AMPD3: variants seen among roughly 807,000 people sequenced by gnomAD.
The protein encoded by AMPD3 is adenosine monophosphate deaminase 3.
A neutral mutation model predicts 82.3 loss-of-function variants in AMPD3; 57 were observed. That is an observed-to-expected ratio of 0.69 (90% confidence interval 0.56 to 0.86). The LOEUF (loss-of-function observed/expected upper bound fraction) is 0.86, where lower values mean the gene tolerates loss of function less well. Among genes scored for constraint, AMPD3 ranks in the 40% least tolerant of loss-of-function variants. AMPD3 has a pLI of 0.00. For missense variants in AMPD3, 870 were observed against 1,003.8 expected (o/e 0.87, Z 1.80); for synonymous variants, 381 against 394.7 (o/e 0.97, Z 0.41).
rs979924503 is a variant in AMPD3, at chr11:10,495,361, C to T, written c.1267-209C>T. 7.1e-6 allele frequency: 7 copies of T among 985,446 alleles called. No homozygotes were observed. In the East Asian group the frequency reaches 6.8e-4, roughly 96 times the overall value. The allele number at this position is 985,446 out of a possible 1,614,324, so 61.0% of individuals were successfully genotyped here. A position where few individuals can be genotyped will look rare whatever the true frequency, so the allele number is the denominator to read the frequency against. ...ATGCTTCTGCTGTGGCCTGGTTCTG[C>T]AGACCCAAGGCCTTCCTCACCAGAG... is the stretch of plus-strand genomic sequence containing the variant. On this transcript the variant is annotated intron_variant, in intron 8 of 14. Coordinates refer to ENST00000396553, the MANE Select transcript of AMPD3 (RefSeq NM_001025389.2).
intron 2 of AMPD3, among the ~76,000 whole-genome samples, chr11:10,470,522 A>G (rs1848558106): frequency 6.6e-6 from 1 of 152,214 alleles, no homozygotes; most frequent in African/African-American, 2.4e-5. Flanking sequence ...AGGAAGTCAA[A>G]TTGTCTCTGT....
chr11:10,496,640 G>A, intron 9 of AMPD3, 172 bp from the exon 10 acceptor site: 1 of 1,446,884 alleles, frequency 6.9e-7, no homozygotes, highest in Non-Finnish European at 9.3e-7. Flanking sequence ...GAATATTGCA[G>A]ACATTGCTGG....
At chr11:10,489,462 C>T (rs1336321103) in intron 6 of AMPD3, among the ~76,000 whole-genome samples, 2 of 152,220 alleles carry the variant, frequency 1.3e-5, no homozygotes, top group African/African-American at 2.4e-5. Flanking sequence ...ACATGAGAAA[C>T]AGTCCTGGCG....
intron 2 of AMPD3, among the ~76,000 whole-genome samples, chr11:10,469,810 C>CTT (rs1848533244): frequency 6.6e-6 from 1 of 151,652 alleles, no homozygotes; most frequent in Non-Finnish European, 1.5e-5. Flanking sequence ...GAGGCCGAGG[C>CTT]GGGCAGATCA....
intron 10 of AMPD3, among the ~76,000 whole-genome samples, chr11:10,498,090 A>G (rs933921465): frequency 6.6e-6 from 1 of 152,232 alleles, no homozygotes; most frequent in African/African-American, 2.4e-5. Flanking sequence ...GACTCCAGCG[A>G]TGTACCCTGA....
At chr11:10,460,022 TGTATG>T (rs1439497103) in intron 1 of AMPD3, among the ~76,000 whole-genome samples, 2 of 147,854 alleles carry the variant, frequency 1.4e-5, no homozygotes, top group African/African-American at 2.5e-5. Context: ...AGTATATATA[TGTATG>T]TATACATATA....
chr11:10,456,304 C>G lies in AMPD3; in HGVS notation c.-6+856C>G, dbSNP rs368167371. On this transcript the variant is annotated intron_variant, in intron 1 of 14. Transcript: ENST00000396553. This position sits in a 1 kb window ranked among gnomAD's most constrained non-coding sequence, Gnocchi z 4.3. ...GACAGGACCCAGCCAGCTGCACGCACGCACTGACTCAGCTGAGCCTCCTGG... is the reference window on the plus strand; with the variant it reads ...GACAGGACCCAGCCAGCTGCACGCAGGCACTGACTCAGCTGAGCCTCCTGG... 1.8e-5 allele frequency: 29 copies of G among 1,603,852 alleles called. No individual in the cohort carries two copies. In the East Asian group the frequency reaches 6.5e-4, roughly 36 times the overall value.
chr11:10,470,866 C>A (rs1484513179), intron 2 of AMPD3, among the ~76,000 whole-genome samples: 1 of 152,160 alleles, frequency 6.6e-6, no homozygotes, highest in Non-Finnish European at 1.5e-5. Context: ...GAATCAATAT[C>A]ATGAAAATGG....
chr11:10,489,175 T>C (rs1470919504), intron 6 of AMPD3, among the ~76,000 whole-genome samples: 2 of 152,170 alleles, frequency 1.3e-5, no homozygotes, highest in African/African-American at 4.8e-5. Flanking sequence ...GCTTAGGCGT[T>C]CAGACAGGTG....
chr11:10,472,820 A>G (rs1848633095), intron 2 of AMPD3, among the ~76,000 whole-genome samples: 1 of 152,140 alleles, frequency 6.6e-6, no homozygotes, highest in Admixed American at 6.5e-5. Context: ...CCTGGCCAAC[A>G]TGTAGAAACC....
In AMPD3 at chr11:10,496,892, C is replaced by A; in HGVS notation, c.1511C>A (p.Thr504Asn). The A allele has an allele frequency of 2.5e-6, 4 of 1,614,100 alleles. No homozygotes were observed. The highest frequency in any genetic ancestry group is 2.5e-6 in the Non-Finnish European group (3 of 1,179,996). Residue 504 changes from threonine (T) to asparagine (N), a missense_variant, in exon 10 of 15, where the codon ACT becomes AAT. By Grantham distance (65) the Thr-to-Asn change is moderately conservative (BLOSUM62 0). Transcript: ENST00000396553. ...ATCTTCCTGCCCCTTTTCAAGGCCA[C>A]TATCAACCCCCAAGATCATCGAGAG... ...ENIFLPLFKA[T>N]INPQDHRELH...
At chr11:10,460,047 T>C (rs1471256086) in intron 1 of AMPD3, among the ~76,000 whole-genome samples, 1 of 106,692 alleles carries the variant, frequency 9.4e-6, no homozygotes, top group East Asian at 2.0e-4. Flanking sequence ...ATAAAATATA[T>C]ATTATATATA....
intron 14 of AMPD3, chr11:10,505,378 G>GAGT: frequency 1.0e-6 from 1 of 985,098 alleles, no homozygotes; most frequent in Non-Finnish European, 1.2e-6. Flanking sequence ...CAGCTCTCAG[G>GAGT]GGCTTCTTAA....
chr11:10,505,000 G>A (rs1444037444), intron 14 of AMPD3: 2 of 464,020 alleles, frequency 4.3e-6, no homozygotes, highest in Non-Finnish European at 5.7e-6. Context: ...CCTCTAGCAT[G>A]TAAGCTCTGT....
chr11:10,489,322 C>G (rs1849172808), intron 6 of AMPD3, among the ~76,000 whole-genome samples: 1 of 152,206 alleles, frequency 6.6e-6, no homozygotes, highest in Non-Finnish European at 1.5e-5. Context: ...CGTGAATGCT[C>G]TGGGCTTACC....
At chr11:10,487,424 T>G in intron 6 of AMPD3, 60 bp downstream of exon 6, 1 of 1,607,538 alleles carries the variant, frequency 6.2e-7, no homozygotes, top group Non-Finnish European at 8.5e-7. Context: ...GCCCATGGGA[T>G]GCCCTGAGCC....
intron 12 of AMPD3, 140 bp downstream of exon 12, chr11:10,501,730 A>G (rs1407607895): frequency 2.0e-6 from 3 of 1,481,068 alleles, no homozygotes; most frequent in African/African-American, 1.4e-5. Context: ...ATTTTTAATT[A>G]TGAAAGTAAT....
intron 2 of AMPD3, chr11:10,476,917 A>C: frequency 5.2e-6 from 4 of 772,238 alleles, no homozygotes; most frequent in Non-Finnish European, 6.1e-6. Context: ...AGTCCAGTGC[A>C]TCACTTAGCA....
intron 4 of AMPD3, chr11:10,484,156 TA>T: frequency 1.4e-6 from 1 of 725,330 alleles, no homozygotes; most frequent in Non-Finnish European, 1.7e-6. Flanking sequence ...CTCAGAGAGG[TA>T]AAGGAGTTTG....
Sources: allele counts gnomAD v4.1 joint callset (sites outside exome capture counted in the v4.1 genomes callset), GRCh38; gene constraint gnomAD v4.1.1; non-coding constraint Gnocchi (gnomAD v3.1); transcripts MANE v1.5; gene names NCBI Gene and HGNC (gene_info 2026-07-23, HGNC 2026-07-21).